GAB2: variants seen among roughly 807,000 people sequenced by gnomAD.
GAB2 encodes GRB2-associated-binding protein 2.
Under a neutral mutation model 65.5 loss-of-function variants are expected in GAB2, and 26 were observed. The observed-to-expected ratio is 0.40, with a 90% CI of 0.29 to 0.55. The LOEUF (loss-of-function observed/expected upper bound fraction) is 0.55, where lower values mean the gene tolerates loss of function less well. Among genes scored for constraint, GAB2 ranks in the 20% least tolerant of loss-of-function variants. The pLI, the probability that GAB2 is intolerant of heterozygous loss-of-function variation, is 0.53. For missense variants in GAB2, 884 were observed against 875.8 expected (o/e 1.01, Z -0.12); for synonymous variants, 321 against 329.6 (o/e 0.97, Z 0.28).
intron 3 of GAB2, among the ~76,000 whole-genome samples, chr11:78,237,520 C>T (rs1294118914): frequency 6.6e-5 from 10 of 152,034 alleles, no homozygotes; most frequent in African/African-American, 2.4e-4. Context: ...GTTACTGGTT[C>T]TCTAGGAATG....
At chr11:78,241,229 C>G (rs1031983919) in intron 3 of GAB2, among the ~76,000 whole-genome samples, 1 of 152,216 alleles carries the variant, frequency 6.6e-6, no homozygotes, top group African/African-American at 2.4e-5. Flanking sequence ...TGCATGGAGA[C>G]TATACCATTG....
intron 1 of GAB2, among the ~76,000 whole-genome samples, chr11:78,405,712 C>T (rs1239167103): frequency 6.6e-6 from 1 of 152,110 alleles, no homozygotes; most frequent in Admixed American, 6.5e-5. Context: ...GAGTAGGCGG[C>T]AGATTTGCTA....
At chr11:78,234,544 T>C (rs555971377) in intron 3 of GAB2, among the ~76,000 whole-genome samples, 24 of 149,612 alleles carry the variant, frequency 1.6e-4, no homozygotes, top group Admixed American at 1.2e-3. Flanking sequence ...CCTTTCTCCA[T>C]TGGCATCTAT....
intron 2 of GAB2, among the ~76,000 whole-genome samples, chr11:78,254,300 G>A (rs995132825): frequency 6.6e-6 from 1 of 152,164 alleles, no homozygotes; most frequent in African/African-American, 2.4e-5. Context: ...TTTGTTGACT[G>A]ATCATACTGA....
chr11:78,239,031 C>G (rs1158379568), intron 3 of GAB2, among the ~76,000 whole-genome samples: 1 of 151,564 alleles, frequency 6.6e-6, no homozygotes, highest in Non-Finnish European at 1.5e-5. Flanking sequence ...TGCTCAACAC[C>G]ACTAATCATT....
intron 1 of GAB2, among the ~76,000 whole-genome samples, chr11:78,383,812 A>C (rs766833631): frequency 3.9e-5 from 6 of 152,082 alleles, no homozygotes; most frequent in Admixed American, 1.3e-4. Context: ...AGTCAGGGTA[A>C]GGTCTCTGGG....
At chr11:78,377,288 G>A (rs1049335641) in intron 1 of GAB2, among the ~76,000 whole-genome samples, 12 of 152,192 alleles carry the variant, frequency 7.9e-5, no homozygotes, top group African/African-American at 2.2e-4. Flanking sequence ...GTCTGGTGAC[G>A]GCCCTTTTCC....
At chr11:78,317,343 G>T (rs1356168509) in intron 1 of GAB2, among the ~76,000 whole-genome samples, 1 of 152,056 alleles carries the variant, frequency 6.6e-6, no homozygotes, top group Non-Finnish European at 1.5e-5. Context: ...TGGACAGATC[G>T]TAAGTTAAGA....
chr11:78,250,120 G>A, intron 3 of GAB2, 37 bp downstream of exon 3: 1 of 1,607,958 alleles, frequency 6.2e-7, no homozygotes, highest in East Asian at 2.2e-5. Context: ...CCTGTGAGCG[G>A]TCACTAACCC....
intron 1 of GAB2, among the ~76,000 whole-genome samples, chr11:78,390,231 G>T (rs982256886): frequency 6.6e-5 from 10 of 152,162 alleles, no homozygotes; most frequent in Non-Finnish European, 1.3e-4. Context: ...CAGGCTTGGC[G>T]AGGCTATTGC....
chr11:78,342,841 G>A (rs1190419268), intron 1 of GAB2, among the ~76,000 whole-genome samples: 3 of 152,190 alleles, frequency 2.0e-5, no homozygotes, highest in Admixed American at 2.0e-4. Flanking sequence ...TTTAGTACAA[G>A]TAGGAGGCTC....
intron 1 of GAB2, among the ~76,000 whole-genome samples, chr11:78,327,340 A>G (rs111389790): frequency 6.6e-6 from 1 of 152,140 alleles, no homozygotes; most frequent in Non-Finnish European, 1.5e-5. Flanking sequence ...GGAACCAAGC[A>G]CCTCAAGCTG....
intron 1 of GAB2, among the ~76,000 whole-genome samples, chr11:78,349,532 T>TA (rs1219765982): frequency 2.6e-5 from 4 of 152,198 alleles, no homozygotes; most frequent in Non-Finnish European, 5.9e-5. Flanking sequence ...TCAGACCAGA[T>TA]AAACTTACCT....
chr11:78,230,715 A>C (rs1864818269), intron 3 of GAB2, among the ~76,000 whole-genome samples: 1 of 152,252 alleles, frequency 6.6e-6, no homozygotes, highest in Non-Finnish European at 1.5e-5. Flanking sequence ...AGAGGAGTTG[A>C]ACAAGGGACT....
chr11:78,255,601 C>G lies in GAB2; in HGVS notation c.377-5201G>C, dbSNP rs374398272. Among the ~76,000 whole-genome samples, 19 of 152,254 alleles carry G rather than the reference C, an allele frequency of 1.2e-4. No individual in the cohort carries two copies. In the East Asian group the frequency reaches 1.5e-3, roughly 12 times the overall value. ...GCCTGTGCCCCAATAGATGAGGTTC[C>G]GGGGAGGTGCTACCTCACTTTCCAC... On this transcript the variant is annotated intron_variant, in intron 2 of 9. Transcript: ENST00000361507.
At chr11:78,363,450 T>C (rs1249996707) in intron 1 of GAB2, among the ~76,000 whole-genome samples, 1 of 152,238 alleles carries the variant, frequency 6.6e-6, no homozygotes, top group Non-Finnish European at 1.5e-5. Flanking sequence ...CTTAAAAATA[T>C]GTATTCTCTC....
At chr11:78,398,814 A>C (rs1856934997) in intron 1 of GAB2, among the ~76,000 whole-genome samples, 1 of 152,224 alleles carries the variant, frequency 6.6e-6, no homozygotes, top group Admixed American at 6.5e-5. Flanking sequence ...GGTCTGGGTC[A>C]GAAAATGTAC....
intron 1 of GAB2, among the ~76,000 whole-genome samples, chr11:78,365,685 A>G (rs1856487382): frequency 6.6e-6 from 1 of 152,220 alleles, no homozygotes; most frequent in Non-Finnish European, 1.5e-5. Context: ...GGGTGAGGCA[A>G]GCAAACTGAT....
intron 3 of GAB2, among the ~76,000 whole-genome samples, chr11:78,241,079 TGAGAA>T (rs943932743): frequency 6.6e-6 from 1 of 152,050 alleles, no homozygotes; most frequent in African/African-American, 2.4e-5. Flanking sequence ...TTGGGGAAAA[TGAGAA>T]GAGAAAGACC....
Sources: allele counts gnomAD v4.1 joint callset (sites outside exome capture counted in the v4.1 genomes callset), GRCh38; gene constraint gnomAD v4.1.1; transcripts MANE v1.5; gene names NCBI Gene and HGNC (gene_info 2026-07-23, HGNC 2026-07-21).